Variants in CCDC197 observed in about 807,000 individuals in gnomAD.
CCDC197 encodes uncharacterized protein CCDC197.
CCDC197 carries 24 observed loss-of-function variants against 13.4 expected under a neutral mutation model. The ratio of observed to expected loss-of-function variants is 1.80; its 90% CI spans 1.30 to 2.53. The LOEUF is 2.53. Among genes scored for constraint, CCDC197 ranks in the 30% most tolerant of loss-of-function variants. CCDC197 has a pLI of 0.00. For synonymous variants in CCDC197, 99 were observed against 55.5 expected (o/e 1.78, Z -3.48); for missense variants, 255 against 148.8 (o/e 1.71, Z -3.71).
chr14:94,007,596 C>T (rs1432648747), intron 6 of CCDC197: 1 of 152,112 alleles, frequency 6.6e-6, no homozygotes, highest in Admixed American at 6.6e-5. Flanking sequence ...TCATTTGGCT[C>T]CTCTACCAGG....
chr14:93,999,559 A>G (rs764219936), intron 2 of CCDC197, 24 bp from the exon 3 acceptor site: 1 of 780,634 alleles, frequency 1.3e-6, no homozygotes, highest in Non-Finnish European at 2.4e-6. Context: ...CCTCCAGGCC[A>G]TGTTCCTGCA....
At chr14:93,992,659 C>G (rs887424928), upstream of CCDC197, among the ~76,000 whole-genome samples, 4 of 152,176 alleles carry the variant, frequency 2.6e-5, no homozygotes, top group African/African-American at 9.7e-5. Context: ...ACCGGAAGGC[C>G]CAGAACTCCA....
At chr14:93,998,911 G>A (rs1324287990) in intron 2 of CCDC197, among the ~76,000 whole-genome samples, 2 of 152,246 alleles carry the variant, frequency 1.3e-5, no homozygotes, top group Non-Finnish European at 2.9e-5. Context: ...CTGTTGGACA[G>A]TCAGAGTGGC....
chr14:94,000,453 G>A (rs1196141169), intron 3 of CCDC197, among the ~76,000 whole-genome samples: 1 of 152,154 alleles, frequency 6.6e-6, no homozygotes. Flanking sequence ...TGGAGATCAG[G>A]GAAGGCTTCC....
intron 1 of CCDC197, among the ~76,000 whole-genome samples, chr14:93,990,656 C>A (rs1341915574): frequency 6.6e-6 from 1 of 152,190 alleles, no homozygotes; most frequent in East Asian, 1.9e-4. Flanking sequence ...TGTGAGGGGG[C>A]AGCTCTGACA....
Position 94,003,376 on chromosome 14 carries a change from GGGGGTGGGGTTA to G in CCDC197, c.498+32_498+43del. On this transcript the variant is annotated intron_variant, in intron 5 of 6. Transcript: ENST00000636493. This position sits in a 1 kb window ranked among gnomAD's most constrained non-coding sequence, Gnocchi z 5.0. ...TAATGTGAGTCCAGTCTTTCAGCCT[GGGGGTGGGGTTA>G]GGGGTGGGGAAGGGGAAGCTGATGT... is the stretch of plus-strand genomic sequence containing the variant. 1.4e-6 allele frequency: 1 copy of G among 723,962 alleles called. No individual in the cohort carries two copies. Among genetic ancestry groups the G allele is most frequent in the Non-Finnish European group, 2.6e-6 (1 of 390,448 alleles). 44.8% of individuals were successfully genotyped at this position (723,962 alleles called of 1,614,324 possible).
chr14:94,005,055 C>T, intron 6 of CCDC197, 84 bp downstream of exon 6: 1 of 647,062 alleles, frequency 1.5e-6, no homozygotes, highest in East Asian at 2.7e-5. Context: ...TTAGCCCAGG[C>T]TGCATTTGTG....
At chr14:93,996,950 T>C (rs1890332456), upstream of CCDC197, among the ~76,000 whole-genome samples, 1 of 151,962 alleles carries the variant, frequency 6.6e-6, no homozygotes, top group Admixed American at 6.6e-5. Context: ...GGCTGAGCCT[T>C]GGGGGGGCTG....
intron 1 of CCDC197, among the ~76,000 whole-genome samples, chr14:93,989,261 C>T (rs1191248645): frequency 6.6e-6 from 1 of 152,126 alleles, no homozygotes; most frequent in East Asian, 1.9e-4. Flanking sequence ...GTCCCAGACA[C>T]CTGGCTCCCA....
chr14:94,002,961 G>A (rs1006456525), intron 4 of CCDC197, among the ~76,000 whole-genome samples: 10 of 152,086 alleles, frequency 6.6e-5, no homozygotes, highest in Non-Finnish European at 1.5e-5. Context: ...GAGGAGCAAA[G>A]GCACATCTTA....
chr14:94,001,147 T>C lies in CCDC197; in HGVS notation c.190T>C (p.Cys64Arg). 1.3e-6 allele frequency: 1 copy of C among 777,708 alleles called. No individual in the cohort carries two copies. The highest frequency in any genetic ancestry group is 2.4e-5 in the East Asian group (1 of 41,110). The allele number at this position is 777,708 out of a possible 1,614,324, so 48.2% of individuals were successfully genotyped here. A position where few individuals can be genotyped will look rare whatever the true frequency, so the allele number is the denominator to read the frequency against. ...CCGCCATGGCGCTGTCTCCGTAGGCTGCACGGGATGGGAGGAGCCGGAGGA... is the reference window on the plus strand; with the variant it reads ...CCGCCATGGCGCTGTCTCCGTAGGCCGCACGGGATGGGAGGAGCCGGAGGA... ...IKVLEKIPEG[C>R]TGWEEPEEVL... The change falls in exon 4 of 7, where the codon TGC becomes CGC. Residue 64 changes from cysteine to arginine, a missense_variant and splice_region_variant. By Grantham distance (180) the Cys-to-Arg change is radical. Transcript: ENST00000636493.
At chr14:94,005,070 GC>G in intron 6 of CCDC197, 99 bp downstream of exon 6, 2 of 629,892 alleles carry the variant, frequency 3.2e-6, no homozygotes, top group Non-Finnish European at 5.8e-6. Flanking sequence ...TTTGTGTTTA[GC>G]CCCCCATCAG....
intron 3 of CCDC197, 79 bp downstream of exon 3, chr14:93,999,744 C>A: frequency 1.3e-6 from 1 of 756,356 alleles, no homozygotes; most frequent in Non-Finnish European, 2.5e-6. Flanking sequence ...CCGTGTGTGG[C>A]CTCATGGAGC....
intron 1 of CCDC197, among the ~76,000 whole-genome samples, chr14:93,990,380 G>A (rs530339305): frequency 8.6e-5 from 13 of 151,968 alleles, no homozygotes; most frequent in East Asian, 1.9e-4. Flanking sequence ...ACTTGACCTC[G>A]TTAGCCGTGT....
chr14:93,994,091 A>T (rs1357607405), upstream of CCDC197, among the ~76,000 whole-genome samples: 1 of 152,162 alleles, frequency 6.6e-6, no homozygotes, highest in African/African-American at 2.4e-5. Context: ...GGTCTGAGGC[A>T]GGCCTGTGGG....
At chr14:94,000,939 T>A in intron 3 of CCDC197, 1 of 392,272 alleles carries the variant, frequency 2.5e-6, no homozygotes, top group Non-Finnish European at 4.3e-6. Context: ...AGGTTGAGGA[T>A]TCCCTTGAAG....
chr14:94,009,520 G>A (rs192230570), downstream of CCDC197, among the ~76,000 whole-genome samples: 46 of 152,284 alleles, frequency 3.0e-4, no homozygotes, highest in Middle Eastern at 3.4e-3. Flanking sequence ...CTTGAGCCCA[G>A]GAGTTCAAGA....
intron 2 of CCDC197, 119 bp from the exon 3 acceptor site, chr14:93,999,464 C>G: frequency 1.5e-6 from 1 of 681,972 alleles, no homozygotes; most frequent in Non-Finnish European, 2.6e-6. Flanking sequence ...TAAAGTGGTA[C>G]GTGGCCGGCC....
rs146490290 is a variant in CCDC197 at position 94,003,237 on chromosome 14, G to A, written c.381G>A (p.Arg127=). The change falls in exon 5 of 7, where the codon CGG becomes CGA. Residue 127 remains arginine (R), a synonymous_variant. Transcript: ENST00000636493. This position sits in a 1 kb window ranked among gnomAD's most constrained non-coding sequence, Gnocchi z 5.0. ...CTCTGCCCCAGAGCCTCAAGATCCG[G>A]CTGTGTCAGCTGCAGAAGAAGTGCT... The part of the protein sequence containing the change: ...HRALMLSLKI[R]LCQLQKKCYR... 3 of 780,618 alleles carry A rather than the reference G, an allele frequency of 3.8e-6. No homozygotes were observed. The African/African-American group carries it at 5.1e-5, about 13-fold the overall frequency. 48.4% of individuals were successfully genotyped at this position (780,618 alleles called of 1,614,324 possible).
Sources: allele counts gnomAD v4.1 joint callset (sites outside exome capture counted in the v4.1 genomes callset), GRCh38; gene constraint gnomAD v4.1.1; non-coding constraint Gnocchi (gnomAD v3.1); transcripts MANE v1.5; gene names NCBI Gene and HGNC (gene_info 2026-07-23, HGNC 2026-07-21).